DPP6: variants seen among roughly 807,000 people sequenced by gnomAD.
DPP6 encodes the protein A-type potassium channel modulatory protein DPP6.
Under a neutral mutation model 122.6 loss-of-function variants are expected in DPP6, and 69 were observed. The observed-to-expected ratio is 0.56, with a 90% CI of 0.46 to 0.69. The LOEUF (loss-of-function observed/expected upper bound fraction) is 0.69. DPP6 is among the 30% of genes least tolerant of loss of function. DPP6 has a pLI of 0.00. For missense variants in DPP6, 928 were observed against 1,116.9 expected (o/e 0.83, Z 2.41); for synonymous variants, 418 against 433.1 (o/e 0.97, Z 0.43).
chr7:154,274,037 A>G, intron 1 of DPP6, among the ~76,000 whole-genome samples: 1 of 152,176 alleles, frequency 6.6e-6, no homozygotes. Context: ...GGTTGGCTGT[A>G]CCATATGGGA....
At chr7:154,156,103 G>A (rs898439241) in intron 1 of DPP6, among the ~76,000 whole-genome samples, 4 of 147,460 alleles carry the variant, frequency 2.7e-5, no homozygotes, top group African/African-American at 7.4e-5. Context: ...CCACCCACCC[G>A]CCCCATGCAT....
chr7:154,375,970 G>C (rs769168217), intron 1 of DPP6, among the ~76,000 whole-genome samples: 1 of 152,166 alleles, frequency 6.6e-6, no homozygotes, highest in Non-Finnish European at 1.5e-5. Context: ...GCCCAGCTAG[G>C]TCAGTGCCAG....
intron 1 of DPP6, among the ~76,000 whole-genome samples, chr7:154,145,591 A>C (rs958609234): frequency 6.2e-5 from 9 of 145,164 alleles, no homozygotes; most frequent in Non-Finnish European, 1.4e-4. Flanking sequence ...TGAATGTGTC[A>C]GTGTTTACAT....
At chr7:154,800,084 G>A (rs13238654) in intron 12 of DPP6, among the ~76,000 whole-genome samples, 49,583 of 152,026 alleles carry the variant, frequency 0.33, 8,557 homozygotes, top group East Asian at 0.49. Context: ...GGAATATAGC[G>A]CTACCCGCCG....
intron 2 of DPP6, among the ~76,000 whole-genome samples, chr7:154,458,060 G>A (rs1490434930): frequency 2.6e-5 from 4 of 152,182 alleles, no homozygotes; most frequent in African/African-American, 9.7e-5. Flanking sequence ...GGAGATGGGA[G>A]GGATGTGGCC....
At chr7:154,123,658 C>A (rs1222556860) in intron 1 of DPP6, among the ~76,000 whole-genome samples, 1 of 152,118 alleles carries the variant, frequency 6.6e-6, no homozygotes. Context: ...GTGCAGGAGA[C>A]AGATGTGCCG....
At chr7:154,664,417 A>T (rs933660534) in intron 6 of DPP6, among the ~76,000 whole-genome samples, 2 of 152,244 alleles carry the variant, frequency 1.3e-5, no homozygotes, top group East Asian at 3.8e-4. Flanking sequence ...TAATCTAACA[A>T]ACTGAATTTC....
intron 5 of DPP6, among the ~76,000 whole-genome samples, chr7:154,598,975 G>A (rs1401460998): frequency 6.6e-6 from 1 of 152,142 alleles, no homozygotes; most frequent in Non-Finnish European, 1.5e-5. Flanking sequence ...GATGCCCTGG[G>A]GAGAGCTTGC....
chr7:154,324,676 C>G (rs944456353), intron 1 of DPP6, among the ~76,000 whole-genome samples: 1 of 152,040 alleles, frequency 6.6e-6, no homozygotes, highest in Non-Finnish European at 1.5e-5. Context: ...CAGGAAATCA[C>G]GTCTTGTTTC....
chr7:154,166,250 C>T (rs938346821), intron 1 of DPP6, among the ~76,000 whole-genome samples: 2 of 152,058 alleles, frequency 1.3e-5, no homozygotes, highest in Non-Finnish European at 2.9e-5. Context: ...AAAGCCATGG[C>T]GTGTCACTGT....
At chr7:153,785,007 G>A in the DPP6 span, among the ~76,000 whole-genome samples, 1 of 152,294 alleles carries the variant, frequency 6.6e-6, no homozygotes, top group Admixed American at 6.5e-5. Flanking sequence ...CAGTTTACAG[G>A]TAATGCATAA....
the DPP6 span, among the ~76,000 whole-genome samples, chr7:153,842,384 G>A: frequency 1.3e-5 from 2 of 151,978 alleles, no homozygotes; most frequent in Non-Finnish European, 2.9e-5. Flanking sequence ...TATATCAACT[G>A]TTATAATTCA....
chr7:154,433,493 G>A (rs1053144238), intron 1 of DPP6, among the ~76,000 whole-genome samples: 2 of 151,870 alleles, frequency 1.3e-5, no homozygotes, highest in African/African-American at 4.8e-5. Context: ...TTATAAGCGT[G>A]TACTGGGCAC....
chr7:154,649,238 G>C (rs1269805597), intron 6 of DPP6, among the ~76,000 whole-genome samples: 1 of 152,206 alleles, frequency 6.6e-6, no homozygotes, highest in Non-Finnish European at 1.5e-5. Flanking sequence ...CACTGCTGAG[G>C]AGTGGTCTGT....
chr7:154,453,745 G>C (rs1176285473), intron 2 of DPP6, among the ~76,000 whole-genome samples: 2 of 151,952 alleles, frequency 1.3e-5, no homozygotes, highest in African/African-American at 4.8e-5. Flanking sequence ...TCACAGAGTA[G>C]TATTATGAGT....
chr7:154,482,882 T>C (rs1411217267), intron 3 of DPP6, among the ~76,000 whole-genome samples: 1 of 152,142 alleles, frequency 6.6e-6, no homozygotes, highest in African/African-American at 2.4e-5. Context: ...ATCTCAGGCC[T>C]GGGCAGCTGG....
At chr7:154,209,711 C>G (rs1799639206) in intron 1 of DPP6, among the ~76,000 whole-genome samples, 1 of 152,126 alleles carries the variant, frequency 6.6e-6, no homozygotes, top group Non-Finnish European at 1.5e-5. Flanking sequence ...TCGGAAATTG[C>G]TTTTTGCTTC....
At chr7:154,492,513 CT>C (rs746422453) in intron 3 of DPP6, among the ~76,000 whole-genome samples, 17 of 152,210 alleles carry the variant, frequency 1.1e-4, no homozygotes, top group Non-Finnish European at 2.1e-4. Context: ...GCTTCTGGAG[CT>C]CACACTCGTT....
intron 1 of DPP6, among the ~76,000 whole-genome samples, chr7:154,159,535 T>A (rs1796867868): frequency 1.3e-5 from 2 of 152,268 alleles, no homozygotes; most frequent in African/African-American, 4.8e-5. Flanking sequence ...ATGGATCAGA[T>A]GACTTAAATC....
Sources: allele counts gnomAD v4.1 joint callset (sites outside exome capture counted in the v4.1 genomes callset), GRCh38; gene constraint gnomAD v4.1.1; transcripts MANE v1.5; gene names NCBI Gene and HGNC (gene_info 2026-07-23, HGNC 2026-07-21).